SPATS2L: variants seen among roughly 807,000 people sequenced by gnomAD.
The protein encoded by SPATS2L is spermatogenesis associated serine rich 2 like, also known as SPATS2-like protein.
SPATS2L carries 30 observed loss-of-function variants against 59.6 expected under a neutral mutation model. The ratio of observed to expected loss-of-function variants is 0.50; its 90% CI spans 0.38 to 0.68. The LOEUF is 0.68. Among genes scored for constraint, SPATS2L ranks in the 30% least tolerant of loss-of-function variants. The pLI, the probability that SPATS2L is intolerant of heterozygous loss-of-function variation, is 0.00. For synonymous variants in SPATS2L, 252 were observed against 263.5 expected (o/e 0.96, Z 0.42); for missense variants, 615 against 700.0 (o/e 0.88, Z 1.37).
chr2:200,381,090 G>A (rs1166335845), intron 2 of SPATS2L, among the ~76,000 whole-genome samples: 1 of 152,176 alleles, frequency 6.6e-6, no homozygotes, highest in Middle Eastern at 3.2e-3. Context: ...AGAGAAATTA[G>A]GCAATTTAAC....
At chr2:200,459,732 ATT>A in intron 8 of SPATS2L, 35 bp from the exon 9 acceptor site, 1 of 1,527,084 alleles carries the variant, frequency 6.5e-7, no homozygotes, top group Non-Finnish European at 9.0e-7. Flanking sequence ...TTGATTAAGC[ATT>A]CTTTGCTTTT....
At chr2:200,428,697 C>G (rs751852973) in intron 6 of SPATS2L, among the ~76,000 whole-genome samples, 1 of 152,186 alleles carries the variant, frequency 6.6e-6, no homozygotes, top group South Asian at 2.1e-4. Context: ...CTCATCATCT[C>G]CCTTCCCAGT....
chr2:200,359,112 G>A (rs975634713), intron 2 of SPATS2L, among the ~76,000 whole-genome samples: 41 of 152,080 alleles, frequency 2.7e-4, no homozygotes, highest in African/African-American at 9.7e-4. Context: ...TAGCAAATCA[G>A]GATAAAAAAC....
chr2:200,351,000 A>T (rs891917421), intron 2 of SPATS2L, among the ~76,000 whole-genome samples: 1 of 152,168 alleles, frequency 6.6e-6, no homozygotes, highest in African/African-American at 2.4e-5. Flanking sequence ...AGATCACACC[A>T]TATGTTCAGT....
At chr2:200,474,769 A>C (rs541663620) in intron 12 of SPATS2L, among the ~76,000 whole-genome samples, 12 of 152,324 alleles carry the variant, frequency 7.9e-5, no homozygotes, top group African/African-American at 2.9e-4. Context: ...GGCTCATTTA[A>C]GTTGAAATCC....
At chr2:200,398,196 A>G (rs1396790342) in intron 3 of SPATS2L, among the ~76,000 whole-genome samples, 1 of 152,200 alleles carries the variant, frequency 6.6e-6, no homozygotes, top group Non-Finnish European at 1.5e-5. Context: ...TGGGGGACCC[A>G]AGAGGAGTGG....
chr2:200,453,314 C>T (rs935936178), intron 8 of SPATS2L, among the ~76,000 whole-genome samples: 1 of 152,200 alleles, frequency 6.6e-6, no homozygotes, highest in Non-Finnish European at 1.5e-5. Context: ...GGCCTCCTGA[C>T]CCTGGGAATA....
chr2:200,314,507 ACTGCT>A (rs141893693), intron 1 of SPATS2L, among the ~76,000 whole-genome samples: 59,959 of 151,574 alleles, frequency 0.4, 13,152 homozygotes, highest in East Asian at 0.72. Flanking sequence ...ACAACTCTCC[ACTGCT>A]TAAAATCCTT....
chr2:200,388,189 T>C (rs1199694975), intron 2 of SPATS2L, among the ~76,000 whole-genome samples: 2 of 152,164 alleles, frequency 1.3e-5, no homozygotes, highest in East Asian at 1.9e-4. Context: ...AAAACTGTTA[T>C]ATTCTGTTGG....
At chr2:200,425,033 C>T (rs13004819) in intron 6 of SPATS2L, among the ~76,000 whole-genome samples, 60,792 of 151,186 alleles carry the variant, frequency 0.4, 14,191 homozygotes, top group Non-Finnish European at 0.51. Flanking sequence ...TGTGCTTGGG[C>T]GCAGCACCTG....
chr2:200,436,076 G>A (rs2106085742), intron 6 of SPATS2L, among the ~76,000 whole-genome samples: 1 of 152,226 alleles, frequency 6.6e-6, no homozygotes, highest in Middle Eastern at 3.4e-3. Context: ...GTGGCCAGTG[G>A]CTACCTTACT....
intron 1 of SPATS2L, among the ~76,000 whole-genome samples, chr2:200,311,769 A>G (rs1559029790): frequency 2.0e-5 from 3 of 152,142 alleles, no homozygotes; most frequent in African/African-American, 4.8e-5. Context: ...GCCTAGCAGG[A>G]AAAAATAACA....
chr2:200,422,856 T>A (rs1388583071), intron 6 of SPATS2L, among the ~76,000 whole-genome samples: 7 of 152,110 alleles, frequency 4.6e-5, no homozygotes, highest in Non-Finnish European at 7.4e-5. Flanking sequence ...ATAGAACAAT[T>A]ATAGCAATAT....
chr2:200,384,132 A>G (rs531090136), intron 2 of SPATS2L: 221 of 359,472 alleles, frequency 6.1e-4, no homozygotes, highest in Non-Finnish European at 7.8e-4. Context: ...GAATTATATC[A>G]ATTGGAAATA....
chr2:200,417,349 A>AG (rs921010387), intron 5 of SPATS2L, among the ~76,000 whole-genome samples: 1 of 151,500 alleles, frequency 6.6e-6, no homozygotes, highest in African/African-American at 2.4e-5. Context: ...GAAAATTATG[A>AG]GTTTTTTTTT....
intron 2 of SPATS2L, among the ~76,000 whole-genome samples, chr2:200,372,542 C>T (rs1475664940): frequency 1.3e-5 from 2 of 152,088 alleles, no homozygotes; most frequent in African/African-American, 2.4e-5. Flanking sequence ...TGATAATTTT[C>T]CTTCCCCCTT....
chr2:200,315,651 G>T (rs947958571), intron 1 of SPATS2L, among the ~76,000 whole-genome samples: 7 of 152,080 alleles, frequency 4.6e-5, no homozygotes, highest in Admixed American at 2.6e-4. Context: ...CAAACAAAAT[G>T]ATGTGACCCA....
intron 3 of SPATS2L, among the ~76,000 whole-genome samples, chr2:200,407,104 CT>C (rs1251082503): frequency 1.3e-5 from 2 of 151,948 alleles, no homozygotes; most frequent in East Asian, 3.9e-4. Flanking sequence ...AATGCTCCCA[CT>C]TTTTTCTTTT....
At chr2:200,397,747 T>C (rs918095146) in intron 3 of SPATS2L, among the ~76,000 whole-genome samples, 4 of 151,780 alleles carry the variant, frequency 2.6e-5, no homozygotes, top group Non-Finnish European at 5.9e-5. Flanking sequence ...TCTCAACTCA[T>C]AGGGAGGAAG....
Sources: gnomAD v4.1 joint callset for allele counts (sites outside exome capture counted in the v4.1 genomes callset) on GRCh38, gnomAD v4.1.1 for gene constraint, MANE v1.5 for transcripts, NCBI Gene and HGNC (gene_info 2026-07-23, HGNC 2026-07-21) for gene names.